The following PRKN variants were observed in gnomAD, a reference collection of about 807,000 sequenced individuals.
PRKN encodes the protein E3 ubiquitin-protein ligase parkin.
A neutral mutation model predicts 59.5 loss-of-function variants in PRKN; 56 were observed. The ratio of observed to expected loss-of-function variants is 0.94; its 90% CI spans 0.76 to 1.18. The LOEUF is 1.18. PRKN is among the 50% of genes most tolerant of loss of function. PRKN has a pLI of 0.00. For missense variants in PRKN, 657 were observed against 596.4 expected, an observed-to-expected ratio of 1.10 and a Z score of -1.06; for synonymous variants, 250 against 222.1, an observed-to-expected ratio of 1.13 and a Z score of -1.12.
chr6:161,828,344 T>C (rs1204438440), intron 6 of PRKN, among the ~76,000 whole-genome samples: 1 of 152,236 alleles, frequency 6.6e-6, no homozygotes, highest in African/African-American at 2.4e-5. Context: ...TTTAATCTTA[T>C]TTGAGTGAAT....
At chr6:161,477,162 T>G (rs1028662621) in intron 9 of PRKN, among the ~76,000 whole-genome samples, 1 of 152,208 alleles carries the variant, frequency 6.6e-6, no homozygotes, top group Non-Finnish European at 1.5e-5. Flanking sequence ...TTTAAAAGTA[T>G]TAAAAACATG....
chr6:162,201,121 A>G lies in PRKN; in HGVS notation c.534+10T>C, dbSNP rs754179605. On this transcript the variant is annotated intron_variant, in intron 4 of 11. Coordinates refer to ENST00000366898, the MANE Select transcript of PRKN (RefSeq NM_004562.3). ...CCTGGCAGTCTCATGCTGACACTGC[A>G]TTTCCTTACCTGGGTCAAGGTGAGC... 22 of 1,613,992 alleles carry G rather than the reference A, an allele frequency of 1.4e-5. No homozygotes were observed. The East Asian group carries it at 3.3e-4, about 25-fold the overall frequency.
At chr6:162,425,823 T>A (rs1789212946) in intron 2 of PRKN, among the ~76,000 whole-genome samples, 1 of 152,212 alleles carries the variant, frequency 6.6e-6, no homozygotes, top group Non-Finnish European at 1.5e-5. Context: ...GAAGCAATAT[T>A]TGATGACACT....
chr6:162,725,316 T>C (rs1562528026), intron 1 of PRKN, among the ~76,000 whole-genome samples: 1 of 152,354 alleles, frequency 6.6e-6, no homozygotes, highest in African/African-American at 2.4e-5. Flanking sequence ...GGATAAAGTC[T>C]ATAATGTCTT....
intron 2 of PRKN, among the ~76,000 whole-genome samples, chr6:162,390,809 CTT>C (rs761369540): frequency 7.0e-4 from 107 of 152,056 alleles, no homozygotes; most frequent in Non-Finnish European, 1.3e-3. Context: ...AGGAGTAAAA[CTT>C]AACACTTTTT....
rs548529212 is a variant in PRKN at position 162,015,348 on chromosome 6, A to C, written c.618+38743T>G. Among the ~76,000 whole-genome samples the C allele has an allele frequency of 5.3e-5, 8 of 152,316 alleles. No homozygotes were observed. The South Asian group carries it at 1.5e-3, about 28-fold the overall frequency. On this transcript the variant is annotated intron_variant, in intron 5 of 11. Coordinates refer to ENST00000366898, the MANE Select transcript of PRKN (RefSeq NM_004562.3). ...ATTGCAGTAACAAGTATATGGGCTA[A>C]GGATGATGATCAGAAACTAGAGAAA...
chr6:162,395,627 A>T (rs1787436478), intron 2 of PRKN, among the ~76,000 whole-genome samples: 1 of 152,148 alleles, frequency 6.6e-6, no homozygotes, highest in Non-Finnish European at 1.5e-5. Flanking sequence ...TACGTTTTGA[A>T]GTAACTCATT....
At position 162,386,616 on chromosome 6, in the gene PRKN, C is replaced by T. The variant is rs183913980; in HGVS notation, c.171+56694G>A. Among the ~76,000 whole-genome samples, 84 of 152,302 alleles carry T rather than the reference C, an allele frequency of 5.5e-4. No homozygotes were observed. In the East Asian group the frequency reaches 0.016, roughly 29 times the overall value. On this transcript the variant is annotated intron_variant, in intron 2 of 11. Coordinates refer to ENST00000366898, the MANE Select transcript of PRKN (RefSeq NM_004562.3). ...ACTGGGCTGGCCCTCAGGAGGCTGC[C>T]CTGCACATCCCCGTGCCTGTGCTGG...
At position 162,174,032 on chromosome 6, in the gene PRKN, T is replaced by C. The variant is rs146768284; in HGVS notation, c.534+27099A>G. ...TATCCTGCTCTATGCGTAATCTTTG[T>C]AATTTAGAGTAAATGTTAAGGAAGA... On this transcript the variant is annotated intron_variant, in intron 4 of 11. Transcript: ENST00000366898. 2.0e-5 allele frequency among the ~76,000 whole-genome samples: 3 copies of C among 152,328 alleles called. 1 individual carries two copies. The highest frequency in any genetic ancestry group is 7.2e-5 in the African/African-American group (3 of 41,570).
intron 4 of PRKN, among the ~76,000 whole-genome samples, chr6:162,057,626 T>C (rs1348708140): frequency 3.9e-5 from 6 of 152,218 alleles, no homozygotes; most frequent in Admixed American, 2.6e-4. Context: ...GAATGCAGTC[T>C]GCTACAATGA....
intron 1 of PRKN, among the ~76,000 whole-genome samples, chr6:162,461,904 T>C (rs765407681): frequency 2.6e-5 from 4 of 151,778 alleles, no homozygotes; most frequent in African/African-American, 4.8e-5. Context: ...AGGGAAAATA[T>C]AGGAATGATA....
At chr6:162,676,900 A>C (rs1779568957) in intron 1 of PRKN, among the ~76,000 whole-genome samples, 1 of 151,948 alleles carries the variant, frequency 6.6e-6, no homozygotes, top group Non-Finnish European at 1.5e-5. Flanking sequence ...ATCTCTACTA[A>C]AAATACAAAA....
intron 7 of PRKN, among the ~76,000 whole-genome samples, chr6:161,610,306 G>A (rs181289111): frequency 8.0e-4 from 121 of 152,128 alleles, no homozygotes; most frequent in South Asian, 5.4e-3. Flanking sequence ...GCTTCTGAAC[G>A]CTGCCCATAG....
chr6:162,146,655 C>T (rs1782041205), intron 4 of PRKN, among the ~76,000 whole-genome samples: 1 of 151,992 alleles, frequency 6.6e-6, no homozygotes, highest in African/African-American at 2.4e-5. Flanking sequence ...CAGGCATGCA[C>T]CATCATGCCT....
chr6:162,379,551 C>T (rs1160026949), intron 2 of PRKN, among the ~76,000 whole-genome samples: 1 of 152,038 alleles, frequency 6.6e-6, no homozygotes, highest in Non-Finnish European at 1.5e-5. Context: ...CAGGCTAATC[C>T]CCTTAACTCT....
intron 4 of PRKN, among the ~76,000 whole-genome samples, chr6:162,123,919 G>C (rs1029821058): frequency 2.0e-5 from 3 of 152,130 alleles, no homozygotes; most frequent in African/African-American, 7.2e-5. Flanking sequence ...ACTATACCGA[G>C]AGGAGGCACT....
At chr6:161,573,759 T>A (rs1466416037) in intron 7 of PRKN, among the ~76,000 whole-genome samples, 21 of 40,266 alleles carry the variant, frequency 5.2e-4, no homozygotes, top group African/African-American at 1.5e-3. Flanking sequence ...AAAAAAAATA[T>A]ATATATATAT....
chr6:161,900,928 A>ATATT (rs377615355), intron 6 of PRKN, among the ~76,000 whole-genome samples: 23 of 143,512 alleles, frequency 1.6e-4, no homozygotes, highest in Middle Eastern at 3.3e-3. Flanking sequence ...ATATATATAT[A>ATATT]TTTTTTAGAT....
intron 2 of PRKN, among the ~76,000 whole-genome samples, chr6:162,428,859 A>G (rs1478769503): frequency 3.3e-5 from 5 of 152,040 alleles, no homozygotes; most frequent in African/African-American, 1.2e-4. Flanking sequence ...TGCTTACCTA[A>G]TGCCCACTCT....
Sources: gnomAD v4.1 joint callset for allele counts (sites outside exome capture counted in the v4.1 genomes callset) on GRCh38, gnomAD v4.1.1 for gene constraint, MANE v1.5 for transcripts, NCBI Gene and HGNC (gene_info 2026-07-23, HGNC 2026-07-21) for gene names.